NDUFV2: variants seen among roughly 807,000 people sequenced by gnomAD.
NDUFV2 encodes NADH:ubiquinone oxidoreductase core subunit V2, also known as NADH dehydrogenase [ubiquinone] flavoprotein 2, mitochondrial.
A neutral mutation model predicts 31.6 loss-of-function variants in NDUFV2; 18 were observed. That is an observed-to-expected ratio of 0.57 (90% CI 0.39 to 0.84). NDUFV2 has a LOEUF of 0.84. NDUFV2 is among the 40% of genes least tolerant of loss of function. The pLI is 0.00. For missense variants in NDUFV2, 314 were observed against 303.6 expected (o/e 1.03, Z -0.26); for synonymous variants, 83 against 99.8 (o/e 0.83, Z 1.01).
At chr18:9,107,059 A>G (rs1179917534) in intron 1 of NDUFV2, among the ~76,000 whole-genome samples, 1 of 152,182 alleles carries the variant, frequency 6.6e-6, no homozygotes, top group Admixed American at 6.5e-5. Context: ...GTGTAAACTA[A>G]TACTCACAGG....
rs761719195 is a variant in NDUFV2, at chr18:9,126,919, TTA to T, written c.656+19_656+20del. ...AAACCAGGGCCAAGGTATGCTTTAT[TTA>T]TATATAGGAAGTTTTAGTGGCTCAC... On this transcript the variant is annotated intron_variant, in intron 7 of 7. Coordinates refer to ENST00000318388, the MANE Select transcript of NDUFV2 (RefSeq NM_021074.5). 6.2e-7 allele frequency: 1 copy of T among 1,608,860 alleles called. No individual in the cohort carries two copies.
At chr18:9,130,314 GATA>G (rs2078029121) in intron 7 of NDUFV2, among the ~76,000 whole-genome samples, 2 of 152,288 alleles carry the variant, frequency 1.3e-5, no homozygotes, top group African/African-American at 4.8e-5. Flanking sequence ...AACAACATCT[GATA>G]ATAATAGGGA....
At chr18:9,125,822 C>A (rs1359630802) in intron 6 of NDUFV2, among the ~76,000 whole-genome samples, 1 of 152,170 alleles carries the variant, frequency 6.6e-6, no homozygotes, top group East Asian at 1.9e-4. Flanking sequence ...AGAAAAGCCC[C>A]TCTCCTTATA....
At chr18:9,123,889 T>C (rs183050038) in intron 5 of NDUFV2, among the ~76,000 whole-genome samples, 5 of 152,364 alleles carry the variant, frequency 3.3e-5, no homozygotes, top group Admixed American at 2.6e-4. Flanking sequence ...GAAGTAGAAT[T>C]GTAGGGTCAG....
At position 9,124,256 on chromosome 18, in the gene NDUFV2, GACTACTGTAAAAAATTTTT is replaced by G. The variant is rs575760111; in HGVS notation, c.470-603_470-585del. On this transcript the variant is annotated intron_variant, in intron 5 of 7. Coordinates refer to ENST00000318388, the MANE Select transcript of NDUFV2 (RefSeq NM_021074.5). Reference sequence around the variant, plus strand: ...GGCTGGAGTACAGTAGCACAATCATGACTACTGTAAAAAATTTTTACTACTGTAAAAAAATTTTTAATTT... The same window carrying G: ...GGCTGGAGTACAGTAGCACAATCATGACTACTGTAAAAAAATTTTTAATTT... Among the ~76,000 whole-genome samples, 404 of 148,070 alleles carry G rather than the reference GACTACTGTAAAAAATTTTT, an allele frequency of 2.7e-3. 2 individuals carry two copies. The highest frequency in any genetic ancestry group is 8.7e-3 in the African/African-American group (349 of 40,148).
chr18:9,121,834 T>C (rs1420960026), intron 4 of NDUFV2, among the ~76,000 whole-genome samples: 1 of 152,202 alleles, frequency 6.6e-6, no homozygotes, highest in African/African-American at 2.4e-5. Context: ...TATTAATGTC[T>C]TGACGTGAAG....
chr18:9,110,264 A>G (rs2077863441), intron 1 of NDUFV2, among the ~76,000 whole-genome samples: 2 of 152,194 alleles, frequency 1.3e-5, no homozygotes, highest in Admixed American at 6.5e-5. Context: ...TAAGTAGTGT[A>G]AAGATGTTAA....
intron 1 of NDUFV2, 64 bp from the exon 2 acceptor site, chr18:9,117,774 T>C: frequency 1.1e-6 from 1 of 911,714 alleles, no homozygotes; most frequent in Non-Finnish European, 1.8e-6. Flanking sequence ...TCCTAAAGTA[T>C]TTCTTTATGA....
chr18:9,132,144 ACT>A (rs929227282), intron 7 of NDUFV2: 11 of 152,164 alleles, frequency 7.2e-5, no homozygotes, highest in African/African-American at 2.7e-4. Flanking sequence ...ACTTTAGGAA[ACT>A]CTAGACCAGA....
chr18:9,104,652 CTCTT>C (rs777503708), intron 1 of NDUFV2, among the ~76,000 whole-genome samples: 106 of 152,196 alleles, frequency 7.0e-4, no homozygotes, highest in South Asian at 2.5e-3. Context: ...TTCTGGAACT[CTCTT>C]TCTCTCCCTC....
intron 1 of NDUFV2, among the ~76,000 whole-genome samples, chr18:9,117,151 C>T (rs576789479): frequency 6.6e-6 from 1 of 152,148 alleles, no homozygotes; most frequent in East Asian, 1.9e-4. Flanking sequence ...ATTCTCCTGC[C>T]TAAGCCTCCC....
intron 1 of NDUFV2, 191 bp downstream of exon 1, chr18:9,102,988 C>T (rs2077822469): frequency 3.6e-6 from 2 of 559,354 alleles, no homozygotes; most frequent in Admixed American, 3.6e-5. Flanking sequence ...GGAGGGTTGC[C>T]ATACTGGGAA....
At chr18:9,114,930 A>C (rs1323164907) in intron 1 of NDUFV2, among the ~76,000 whole-genome samples, 1 of 152,222 alleles carries the variant, frequency 6.6e-6, no homozygotes, top group Non-Finnish European at 1.5e-5. Context: ...CTATATTTTT[A>C]TTTTAAGTAA....
chr18:9,121,770 T>C (rs1303050546), intron 4 of NDUFV2, among the ~76,000 whole-genome samples: 1 of 152,172 alleles, frequency 6.6e-6, no homozygotes, highest in Non-Finnish European at 1.5e-5. Flanking sequence ...GAAAAGATGC[T>C]GAGTTAGTGA....
chr18:9,104,322 A>G, intron 1 of NDUFV2: 1 of 1,594,432 alleles, frequency 6.3e-7, no homozygotes, highest in South Asian at 1.1e-5. Flanking sequence ...AGAGGCCGTC[A>G]GGAGTCAGTG....
At chr18:9,129,334 G>A (rs904577817) in intron 7 of NDUFV2, among the ~76,000 whole-genome samples, 1 of 152,072 alleles carries the variant, frequency 6.6e-6, no homozygotes, top group Admixed American at 6.5e-5. Flanking sequence ...CACACAAATT[G>A]ATACCTGCTT....
chr18:9,122,867 A>T (rs2077950542), intron 5 of NDUFV2, among the ~76,000 whole-genome samples, 186 bp downstream of exon 5: 1 of 152,132 alleles, frequency 6.6e-6, no homozygotes, highest in Admixed American at 6.5e-5. Flanking sequence ...CTCAGTTCTT[A>T]GTGTTAAAGC....
chr18:9,108,001 G>A (rs2077850256), intron 1 of NDUFV2, among the ~76,000 whole-genome samples: 1 of 152,194 alleles, frequency 6.6e-6, no homozygotes, highest in African/African-American at 2.4e-5. Flanking sequence ...GGGTCCACTG[G>A]ATGGGCATTT....
At chr18:9,113,888 G>A (rs553782745) in intron 1 of NDUFV2, among the ~76,000 whole-genome samples, 63 of 152,246 alleles carry the variant, frequency 4.1e-4, no homozygotes, top group South Asian at 2.5e-3. Context: ...CGAAGCTCCC[G>A]GCTGAATAAA....
Sources: allele counts gnomAD v4.1 joint callset (sites outside exome capture counted in the v4.1 genomes callset), GRCh38; gene constraint gnomAD v4.1.1; transcripts MANE v1.5; gene names NCBI Gene and HGNC (gene_info 2026-07-23, HGNC 2026-07-21).